SAMD3: variants seen among roughly 807,000 people sequenced by gnomAD.
The protein encoded by SAMD3 is sterile alpha motif domain-containing protein 3.
In SAMD3, 63 loss-of-function variants were observed where a neutral mutation model predicts 58.5. The ratio of observed to expected loss-of-function variants is 1.08; its 90% CI spans 0.88 to 1.33. The LOEUF (loss-of-function observed/expected upper bound fraction) is 1.33. Among genes scored for constraint, SAMD3 ranks in the 40% most tolerant of loss-of-function variants. The probability of loss-of-function intolerance (pLI) is 0.00; values close to 1 mark genes in which losing one functional copy is unlikely to be tolerated. For synonymous variants in SAMD3, 220 were observed against 210.3 expected (o/e 1.05, Z -0.40); for missense variants, 604 against 608.4 (o/e 0.99, Z 0.08).
chr6:130,172,354 T>A (rs1791329702), intron 8 of SAMD3, among the ~76,000 whole-genome samples: 1 of 152,238 alleles, frequency 6.6e-6, no homozygotes, highest in Non-Finnish European at 1.5e-5. Context: ...CAGTTTTTCC[T>A]TTCCATATTT....
intron 2 of SAMD3, among the ~76,000 whole-genome samples, chr6:130,252,279 TA>T (rs1447679777): frequency 1.3e-5 from 2 of 152,178 alleles, no homozygotes; most frequent in Non-Finnish European, 2.9e-5. Flanking sequence ...ACTTCCAACT[TA>T]TTTGCATTTT....
intron 1 of SAMD3, among the ~76,000 whole-genome samples, chr6:130,328,090 A>T (rs899021126): frequency 2.0e-5 from 3 of 152,080 alleles, no homozygotes; most frequent in Non-Finnish European, 4.4e-5. Context: ...ATTGAAGCTG[A>T]GGTTTGAAAT....
At chr6:130,238,323 A>G (rs1403572752) in intron 2 of SAMD3, among the ~76,000 whole-genome samples, 1 of 152,210 alleles carries the variant, frequency 6.6e-6, no homozygotes, top group African/African-American at 2.4e-5. Flanking sequence ...GGAAGATAGC[A>G]AGTGGATTAT....
chr6:130,215,415 T>G (rs1795948154), intron 2 of SAMD3, 121 bp from the exon 3 acceptor site: 1 of 1,237,812 alleles, frequency 8.1e-7, no homozygotes, highest in African/African-American at 1.6e-5. Context: ...TTAAGCTTTT[T>G]TAAAATTACT....
intron 1 of SAMD3, among the ~76,000 whole-genome samples, chr6:130,342,836 G>A (rs1777314638): frequency 6.6e-6 from 1 of 152,118 alleles, no homozygotes; most frequent in African/African-American, 2.4e-5. Context: ...ATTCTCAAAG[G>A]CTTTATCTAC....
At chr6:130,269,901 T>C (rs1218070169) in intron 2 of SAMD3, among the ~76,000 whole-genome samples, 1 of 152,102 alleles carries the variant, frequency 6.6e-6, no homozygotes, top group African/African-American at 2.4e-5. Flanking sequence ...TTTTCTAATT[T>C]CTATTGTCAT....
intron 2 of SAMD3, among the ~76,000 whole-genome samples, chr6:130,294,943 T>TA (rs1775512555): frequency 8.6e-6 from 1 of 116,484 alleles, no homozygotes; most frequent in Non-Finnish European, 1.7e-5. Flanking sequence ...TTTTTTTTTT[T>TA]ACGGAGTTTT....
rs145268960 is a variant in SAMD3, at chr6:130,186,873, C to T, written c.384-2250G>A. 3.9e-3 allele frequency among the ~76,000 whole-genome samples: 571 copies of T among 147,354 alleles called. 2 individuals are homozygous for T. The highest frequency in any genetic ancestry group is 0.014 in the African/African-American group (541 of 39,832). ...GCAACCTCCGCCTCCCGGGTTCAAG[C>T]GATTCTCCTGCCTCAGCCTCCTGAG... On this transcript the variant is annotated intron_variant, in intron 5 of 11. Coordinates refer to ENST00000439090, the MANE Select transcript of SAMD3 (RefSeq NM_001017373.4).
chr6:130,183,336 C>CAAAA, intron 7 of SAMD3: 1 of 384,154 alleles, frequency 2.6e-6, no homozygotes, highest in Non-Finnish European at 4.9e-6. Flanking sequence ...GACTCCGTCT[C>CAAAA]AAAAAAAAAA....
intron 1 of SAMD3, among the ~76,000 whole-genome samples, chr6:130,363,554 A>G (rs1778045265): frequency 6.6e-6 from 1 of 152,216 alleles, no homozygotes; most frequent in Non-Finnish European, 1.5e-5. Flanking sequence ...ATGTTCAATC[A>G]CATATGTATT....
chr6:130,173,228 T>C (rs192307211), intron 8 of SAMD3, among the ~76,000 whole-genome samples: 8 of 152,296 alleles, frequency 5.3e-5, no homozygotes, highest in Admixed American at 2.0e-4. Context: ...TGTGCCCTTG[T>C]TGGAAAGGAG....
intron 8 of SAMD3, among the ~76,000 whole-genome samples, chr6:130,163,769 GTAAGA>G (rs1301195126): frequency 6.6e-6 from 1 of 151,952 alleles, no homozygotes; most frequent in Non-Finnish European, 1.5e-5. Context: ...AGTAAGTGTT[GTAAGA>G]TAAATCCAAA....
chr6:130,342,771 C>T (rs1214434263), intron 1 of SAMD3, among the ~76,000 whole-genome samples: 1 of 152,078 alleles, frequency 6.6e-6, no homozygotes, highest in Non-Finnish European at 1.5e-5. Flanking sequence ...CTGTTCTTGA[C>T]CTAAGTAGCT....
chr6:130,296,972 C>G (rs1464186795), intron 2 of SAMD3, among the ~76,000 whole-genome samples: 1 of 152,198 alleles, frequency 6.6e-6, no homozygotes, highest in African/African-American at 2.4e-5. Context: ...CCAACACAAT[C>G]TCTTCCTACC....
intron 2 of SAMD3, among the ~76,000 whole-genome samples, chr6:130,231,053 A>G (rs1165858647): frequency 6.6e-6 from 1 of 152,184 alleles, no homozygotes; most frequent in African/African-American, 2.4e-5. Context: ...AATTGTGTGC[A>G]TGGGTGCAAC....
chr6:130,177,819 T>A (rs1363996407), intron 7 of SAMD3, among the ~76,000 whole-genome samples: 1 of 152,120 alleles, frequency 6.6e-6, no homozygotes, highest in Non-Finnish European at 1.5e-5. Context: ...CCCAGCACGG[T>A]GCTTCATGCA....
chr6:130,275,044 A>T (rs1282979426), intron 2 of SAMD3, among the ~76,000 whole-genome samples: 1 of 152,098 alleles, frequency 6.6e-6, no homozygotes, highest in African/African-American at 2.4e-5. Flanking sequence ...AGGTCTCTAG[A>T]CCTACTGTAT....
chr6:130,362,838 T>G (rs1343075037), intron 1 of SAMD3, among the ~76,000 whole-genome samples: 1 of 152,198 alleles, frequency 6.6e-6, no homozygotes, highest in Non-Finnish European at 1.5e-5. Context: ...ATCTTTCTGC[T>G]GTGAAATCCA....
intron 2 of SAMD3, 55 bp from the exon 3 acceptor site, chr6:130,215,349 A>ATT: frequency 8.4e-7 from 1 of 1,186,694 alleles, no homozygotes; most frequent in East Asian, 2.7e-5. Flanking sequence ...TTGTGCCTTA[A>ATT]TTTTTTTTTT....
Sources: gnomAD v4.1 joint callset for allele counts (sites outside exome capture counted in the v4.1 genomes callset) on GRCh38, gnomAD v4.1.1 for gene constraint, MANE v1.5 for transcripts, NCBI Gene and HGNC (gene_info 2026-07-23, HGNC 2026-07-21) for gene names.